CFAP70: variants seen among roughly 807,000 people sequenced by gnomAD.
The protein encoded by CFAP70 is cilia- and flagella-associated protein 70.
Under a neutral mutation model 137.6 loss-of-function variants are expected in CFAP70, and 81 were observed. That is an observed-to-expected ratio of 0.59 (90% confidence interval 0.49 to 0.71). The LOEUF (loss-of-function observed/expected upper bound fraction) is 0.71, where lower values mean the gene tolerates loss of function less well. Ranked by LOEUF, CFAP70 falls within the 30% of genes least tolerant of loss-of-function variation. The pLI is 0.00. For synonymous variants in CFAP70, 382 were observed against 423.6 expected (o/e 0.90, Z 1.20); for missense variants, 976 against 1,226.7 (o/e 0.80, Z 3.05).
rs545339661 is a variant in CFAP70, at chr10:73,329,773, A to G, written c.777+1404T>C. Among the ~76,000 whole-genome samples, 11 of 152,314 alleles carry G rather than the reference A, an allele frequency of 7.2e-5. No individual in the cohort carries two copies. The East Asian group carries it at 2.1e-3, about 29-fold the overall frequency. ...ATTATGTGGACCAGTGATGACAAAA[A>G]GGCTTTAACTTATGTCTAAATTCTC... On this transcript the variant is annotated intron_variant, in intron 8 of 26. Coordinates refer to ENST00000310715, the Ensembl canonical transcript of CFAP70.
chr10:73,334,279 G>A (rs2052409595), intron 7 of CFAP70, among the ~76,000 whole-genome samples: 1 of 152,176 alleles, frequency 6.6e-6, no homozygotes, highest in Non-Finnish European at 1.5e-5. Flanking sequence ...ACACTTTATT[G>A]TCTAGCCTTC....
chr10:73,274,287 G>T, intron 23 of CFAP70, 146 bp downstream of exon 24: 1 of 903,660 alleles, frequency 1.1e-6, no homozygotes, highest in Non-Finnish European at 1.6e-6. Context: ...ATTACTGGTT[G>T]TCTGATGTTG....
chr10:73,316,485 T>C (rs556950569), intron 9 of CFAP70, among the ~76,000 whole-genome samples: 1 of 109,002 alleles, frequency 9.2e-6, no homozygotes, highest in African/African-American at 3.8e-5. Context: ...TATATAGATA[T>C]AGATATATAT....
intron 6 of CFAP70, 29 bp from the exon 8 acceptor site, chr10:73,335,553 G>T: frequency 2.6e-6 from 4 of 1,532,664 alleles, no homozygotes; most frequent in Non-Finnish European, 3.6e-6. Context: ...TCTGTTCTCG[G>T]TATGTGTGCC....
At chr10:73,269,471 C>T (rs1000183239) in intron 25 of CFAP70, 143 bp downstream of exon 26, 10 of 520,670 alleles carry the variant, frequency 1.9e-5, no homozygotes, top group African/African-American at 1.9e-4. Context: ...TTGGCCCTTC[C>T]TTTGTCATCA....
At chr10:73,319,102 T>C (rs1451497423) in intron 9 of CFAP70, among the ~76,000 whole-genome samples, 2 of 152,188 alleles carry the variant, frequency 1.3e-5, no homozygotes, top group Admixed American at 1.3e-4. Context: ...AAGAAGGTAA[T>C]AGTAGCCTAA....
At chr10:73,343,054 C>CA (rs2053399233) in intron 5 of CFAP70, among the ~76,000 whole-genome samples, 1 of 151,818 alleles carries the variant, frequency 6.6e-6, no homozygotes. Context: ...ACTAAAAATA[C>CA]AAAAAATTAG....
upstream of CFAP70, among the ~76,000 whole-genome samples, chr10:73,359,471 G>C (rs1253364815): frequency 6.6e-6 from 1 of 152,024 alleles, no homozygotes; most frequent in Non-Finnish European, 1.5e-5. Context: ...CAGCTTGAAG[G>C]GACTCCCATG....
At chr10:73,291,180 G>C in intron 19 of CFAP70, 46 bp downstream of exon 20, 1 of 1,575,716 alleles carries the variant, frequency 6.3e-7, no homozygotes, top group Non-Finnish European at 8.7e-7. Context: ...ACACCTGGCA[G>C]TAATTTTTCT....
At chr10:73,361,386 G>A (rs367823629), upstream of CFAP70, among the ~76,000 whole-genome samples, 6 of 146,824 alleles carry the variant, frequency 4.1e-5, no homozygotes, top group Admixed American at 1.4e-4. Flanking sequence ...TCTGCCTCCC[G>A]GGTTCAAGTG....
intron 8 of CFAP70, among the ~76,000 whole-genome samples, chr10:73,327,828 A>G (rs962171395): frequency 6.6e-5 from 10 of 152,088 alleles, no homozygotes; most frequent in African/African-American, 2.2e-4. Flanking sequence ...ACTGCTCAAC[A>G]AAATAAAAGA....
intron 8 of CFAP70, among the ~76,000 whole-genome samples, chr10:73,325,286 T>G (rs1334069423): frequency 3.3e-5 from 5 of 152,048 alleles, no homozygotes; most frequent in Non-Finnish European, 7.4e-5. Flanking sequence ...AAGCAAATGC[T>G]GAGAGATTTT....
chr10:73,341,251 T>G, intron 6 of CFAP70, 148 bp downstream of exon 7: 2 of 635,688 alleles, frequency 3.1e-6, no homozygotes, highest in Non-Finnish European at 5.1e-6. Flanking sequence ...CAGAAGATAT[T>G]TGAATCAGAA....
chr10:73,316,679 G>A (rs2132146723), intron 9 of CFAP70, among the ~76,000 whole-genome samples: 1 of 151,442 alleles, frequency 6.6e-6, no homozygotes, highest in East Asian at 1.9e-4. Context: ...CTTAATTCTG[G>A]TAAAATACAG....
intron 19 of CFAP70, among the ~76,000 whole-genome samples, chr10:73,279,886 C>A (rs1179895392): frequency 2.0e-5 from 3 of 151,622 alleles, no homozygotes; most frequent in Non-Finnish European, 4.4e-5. Flanking sequence ...AGAAAAATAA[C>A]CTTTAAAAAT....
At chr10:73,301,786 G>T (rs2048974763) in intron 12 of CFAP70, among the ~76,000 whole-genome samples, 1 of 152,080 alleles carries the variant, frequency 6.6e-6, no homozygotes, top group Non-Finnish European at 1.5e-5. Context: ...GTTCACATCG[G>T]ACAGGTAATA....
intron 4 of CFAP70, among the ~76,000 whole-genome samples, chr10:73,345,789 C>T (rs535074794): frequency 1.4e-4 from 22 of 152,072 alleles, no homozygotes; most frequent in African/African-American, 5.1e-4. Flanking sequence ...AAGAGCAAAA[C>T]TCCATCTCAA....
chr10:73,311,483 T>C (rs1311747261), intron 11 of CFAP70, among the ~76,000 whole-genome samples: 1 of 152,222 alleles, frequency 6.6e-6, no homozygotes, highest in African/African-American at 2.4e-5. Flanking sequence ...TATACTATGA[T>C]TAGTTATATA....
At chr10:73,351,851 T>C (rs1414983159) in intron 3 of CFAP70, among the ~76,000 whole-genome samples, 1 of 152,282 alleles carries the variant, frequency 6.6e-6, no homozygotes, top group African/African-American at 2.4e-5. Flanking sequence ...ACCTTCTGTT[T>C]TCAGCTGGCT....
Sources: allele counts gnomAD v4.1 joint callset (sites outside exome capture counted in the v4.1 genomes callset), GRCh38; gene constraint gnomAD v4.1.1; transcripts MANE v1.5; gene names NCBI Gene and HGNC (gene_info 2026-07-23, HGNC 2026-07-21).